DAB1: variants seen among roughly 807,000 people sequenced by gnomAD.
The protein encoded by DAB1 is DAB adaptor protein 1.
DAB1 carries 15 observed loss-of-function variants against 64.6 expected under a neutral mutation model. The observed-to-expected ratio is 0.23, with a 90% CI of 0.16 to 0.36. The LOEUF (loss-of-function observed/expected upper bound fraction) is 0.36, where lower values mean the gene tolerates loss of function less well. Ranked by LOEUF, DAB1 falls within the 10% of genes least tolerant of loss-of-function variation. The pLI is 1.00. For missense variants in DAB1, 596 were observed against 706.7 expected (o/e 0.84, Z 1.78); for synonymous variants, 235 against 251.9 (o/e 0.93, Z 0.64).
chr1:58,499,407 C>T (rs914002160), intron 3 of DAB1, among the ~76,000 whole-genome samples: 5 of 151,216 alleles, frequency 3.3e-5, no homozygotes, highest in Non-Finnish European at 5.9e-5. Flanking sequence ...ATTGCTTTAG[C>T]CCAGGACTTC....
At chr1:58,108,232 A>C (rs1016475599) in intron 5 of DAB1, among the ~76,000 whole-genome samples, 2 of 152,160 alleles carry the variant, frequency 1.3e-5, no homozygotes, top group African/African-American at 4.8e-5. Context: ...GAGGAGACTG[A>C]AGCTGTAGGG....
intron 4 of DAB1, among the ~76,000 whole-genome samples, chr1:58,312,551 A>G (rs1662453409): frequency 6.6e-6 from 1 of 152,198 alleles, no homozygotes; most frequent in African/African-American, 2.4e-5. Context: ...CATCCGAAAC[A>G]TTCTGGAACC....
chr1:57,755,635 T>C (rs1343155834), intron 6 of DAB1, among the ~76,000 whole-genome samples: 4 of 152,224 alleles, frequency 2.6e-5, no homozygotes, highest in Non-Finnish European at 5.9e-5. Flanking sequence ...CAGAGTGACA[T>C]GTTCTCAGGT....
intron 1 of DAB1, among the ~76,000 whole-genome samples, chr1:57,311,286 G>A (rs375229590): frequency 2.6e-5 from 4 of 152,224 alleles, no homozygotes; most frequent in South Asian, 4.1e-4. Context: ...TGGGGACAAA[G>A]CTCAATCTGA....
chr1:58,103,220 C>T (rs1651427467), intron 5 of DAB1, among the ~76,000 whole-genome samples: 1 of 152,194 alleles, frequency 6.6e-6, no homozygotes, highest in African/African-American at 2.4e-5. Flanking sequence ...TCAAAGGCTA[C>T]AGCCCATCTT....
chr1:57,186,414 A>G (rs1663568145), intron 2 of DAB1, among the ~76,000 whole-genome samples: 1 of 152,202 alleles, frequency 6.6e-6, no homozygotes, highest in South Asian at 2.1e-4. Context: ...GATTATAGGG[A>G]TATAAAAAGC....
At chr1:58,251,478 C>T (rs953959087) in intron 4 of DAB1, among the ~76,000 whole-genome samples, 1 of 152,222 alleles carries the variant, frequency 6.6e-6, no homozygotes, top group Non-Finnish European at 1.5e-5. Flanking sequence ...TCAGGCTGGG[C>T]ATTTGGGAAA....
intron 1 of DAB1, among the ~76,000 whole-genome samples, chr1:58,540,815 GA>G (rs147800455): frequency 2.1e-5 from 3 of 142,786 alleles, no homozygotes; most frequent in South Asian, 2.2e-4. Flanking sequence ...GGTGTAGACA[GA>G]AAAAAAAAAC....
At chr1:57,743,496 G>A (rs1000667102) in intron 6 of DAB1, among the ~76,000 whole-genome samples, 9 of 152,232 alleles carry the variant, frequency 5.9e-5, no homozygotes, top group Admixed American at 3.3e-4. Flanking sequence ...GCACCCAGGT[G>A]AAATAAACAG....
chr1:58,412,592 C>T (rs140217961), intron 3 of DAB1, among the ~76,000 whole-genome samples: 67 of 152,314 alleles, frequency 4.4e-4, no homozygotes, highest in Non-Finnish European at 8.1e-4. Context: ...TCACAATCTA[C>T]CTTCCGGGTT....
chr1:57,029,696 G>A (rs899533892), intron 9 of DAB1, among the ~76,000 whole-genome samples: 1 of 152,170 alleles, frequency 6.6e-6, no homozygotes, highest in Admixed American at 6.5e-5. Context: ...TCATTTTGGA[G>A]CTTTAAAATT....
In DAB1 at chr1:57,180,364, T is replaced by C. The variant is rs191295046; in HGVS notation, c.68-34935A>G. Among the ~76,000 whole-genome samples, 355 of 152,356 alleles carry C rather than the reference T, an allele frequency of 2.3e-3. 1 individual carries two copies. The highest frequency in any genetic ancestry group is 8.7e-3 in the Admixed American group (133 of 15,300). ...ATTCTGTTATATCCCTAGGAGTATA[T>C]GCTCTAAAATTTAAAATGGCTGCAC... is the stretch of plus-strand genomic sequence containing the variant. On this transcript the variant is annotated intron_variant, in intron 2 of 14. Transcript: ENST00000371236.
In DAB1 at chr1:58,341,742, TAG is replaced by T. The variant is rs576746493; in HGVS notation, n.309+1608_309+1609del. Among the ~76,000 whole-genome samples, 127 of 152,236 alleles carry T rather than the reference TAG, an allele frequency of 8.3e-4. 1 individual carries two copies. The highest frequency in any genetic ancestry group is 2.8e-3 in the African/African-American group (118 of 41,542). On this transcript the variant is annotated intron_variant and non_coding_transcript_variant, in intron 4 of 20. Coordinates refer to the DAB1 transcript ENST00000485760. ...GCAACATGATATACTGGAAAGGACTTAGAATTAGAGTTAGATGACCCTTACTT... is the reference window on the plus strand; with the variant it reads ...GCAACATGATATACTGGAAAGGACTTAATTAGAGTTAGATGACCCTTACTT...
intron 1 of DAB1, among the ~76,000 whole-genome samples, chr1:57,851,469 G>A (rs1049490040): frequency 1.3e-5 from 2 of 152,176 alleles, no homozygotes; most frequent in African/African-American, 2.4e-5. Context: ...CAGTTGAGAG[G>A]TTTTGTCTGG....
At chr1:57,651,665 C>CA (rs142806300) in intron 6 of DAB1, among the ~76,000 whole-genome samples, 5,547 of 149,222 alleles carry the variant, frequency 0.037, 304 homozygotes, top group African/African-American at 0.13. Flanking sequence ...AGAAAACAAA[C>CA]AAAAAAAAAA....
chr1:57,922,629 T>C (rs1272257643), intron 5 of DAB1, among the ~76,000 whole-genome samples: 1 of 151,704 alleles, frequency 6.6e-6, no homozygotes, highest in African/African-American at 2.4e-5. Context: ...GAATATGATT[T>C]TGAGAAGCAT....
intron 2 of DAB1, among the ~76,000 whole-genome samples, chr1:57,178,754 T>C (rs1662600851): frequency 6.6e-6 from 1 of 152,124 alleles, no homozygotes; most frequent in Non-Finnish European, 1.5e-5. Flanking sequence ...ACCATTTATG[T>C]TTTATTCAAT....
At chr1:57,648,221 T>C (rs993679855) in intron 7 of DAB1, among the ~76,000 whole-genome samples, 12 of 152,148 alleles carry the variant, frequency 7.9e-5, no homozygotes, top group Non-Finnish European at 2.9e-5. Flanking sequence ...AGGCTTCCCC[T>C]AGGTGTAGCA....
intron 6 of DAB1, among the ~76,000 whole-genome samples, chr1:57,759,139 T>C (rs752422698): frequency 6.6e-5 from 10 of 152,060 alleles, no homozygotes; most frequent in Non-Finnish European, 1.3e-4. Context: ...AGGAAAATGA[T>C]AGTTATAGAC....
Sources: gnomAD v4.1 joint callset for allele counts (sites outside exome capture counted in the v4.1 genomes callset) on GRCh38, gnomAD v4.1.1 for gene constraint, MANE v1.5 for transcripts, NCBI Gene and HGNC (gene_info 2026-07-23, HGNC 2026-07-21) for gene names.